NTN4: variants seen among roughly 807,000 people sequenced by gnomAD.
The protein encoded by NTN4 is netrin-4.
NTN4 carries 32 observed loss-of-function variants against 73.6 expected under a neutral mutation model. The observed-to-expected ratio is 0.44, with a 90% CI of 0.33 to 0.58. The LOEUF (loss-of-function observed/expected upper bound fraction) is 0.58, where lower values mean the gene tolerates loss of function less well. Ranked by LOEUF, NTN4 falls within the 20% of genes least tolerant of loss-of-function variation. The pLI, the probability that NTN4 is intolerant of heterozygous loss-of-function variation, is 0.04. For missense variants in NTN4, 654 were observed against 798.3 expected, an observed-to-expected ratio of 0.82 and a Z score of 2.18; for synonymous variants, 258 against 287.5, an observed-to-expected ratio of 0.90 and a Z score of 1.04.
chr12:95,708,095 G>C (rs1431498335), intron 5 of NTN4, among the ~76,000 whole-genome samples: 3 of 151,992 alleles, frequency 2.0e-5, no homozygotes, highest in Non-Finnish European at 4.4e-5. Context: ...CTATATTTTA[G>C]ACCCTAAGGA....
chr12:95,715,387 G>A (rs1055777424), intron 3 of NTN4, among the ~76,000 whole-genome samples: 4 of 152,030 alleles, frequency 2.6e-5, no homozygotes, highest in Non-Finnish European at 2.9e-5. Flanking sequence ...AAAAGATGAT[G>A]TTGCAAAAAT....
intron 2 of NTN4, among the ~76,000 whole-genome samples, chr12:95,740,524 A>G (rs748300365): frequency 1.3e-5 from 2 of 152,210 alleles, no homozygotes; most frequent in Non-Finnish European, 2.9e-5. Context: ...AGCATACTTC[A>G]GTATTTCTGG....
intron 2 of NTN4, among the ~76,000 whole-genome samples, chr12:95,750,384 G>A (rs1257954129): frequency 6.6e-6 from 1 of 151,706 alleles, no homozygotes; most frequent in African/African-American, 2.4e-5. Flanking sequence ...TACTCCCTTG[G>A]CCTGTGTTCT....
At chr12:95,778,149 C>T (rs571901397) in intron 2 of NTN4, among the ~76,000 whole-genome samples, 3 of 152,076 alleles carry the variant, frequency 2.0e-5, no homozygotes, top group Non-Finnish European at 2.9e-5. Flanking sequence ...ATCTCTGGGA[C>T]GCATTTAAAG....
At chr12:95,707,971 C>T (rs1452170674) in intron 5 of NTN4, among the ~76,000 whole-genome samples, 7 of 152,076 alleles carry the variant, frequency 4.6e-5, no homozygotes, top group Non-Finnish European at 7.3e-5. Flanking sequence ...GGGATACACA[C>T]GTATATATAT....
Position 95,710,629 on chromosome 12 carries a change from G to T in NTN4, c.992C>A (p.Thr331Asn). ...ATCAGCATGCCCATTACACTTGCAG[G>T]CTGGAAATAAGAAGCGTGGAGAGAA... ...GKTGAPNECR[T>N]CKCNGHADTC... Residue 331 changes from threonine to asparagine, a missense_variant and splice_region_variant, in exon 5 of 10, where the codon ACC becomes AAC. Transcript: ENST00000343702. The T allele has an allele frequency of 6.2e-7, 1 of 1,610,212 alleles. No homozygotes were observed. Among genetic ancestry groups the T allele is most frequent in the Non-Finnish European group, 8.5e-7 (1 of 1,177,618 alleles).
At chr12:95,750,783 C>G (rs997244387) in intron 2 of NTN4, among the ~76,000 whole-genome samples, 2 of 152,154 alleles carry the variant, frequency 1.3e-5, no homozygotes, top group Non-Finnish European at 2.9e-5. Flanking sequence ...CTCGCCAGGC[C>G]GAGCTAGGTC....
chr12:95,786,863 A>C (rs2079170802), intron 2 of NTN4, 76 bp downstream of exon 2: 16 of 1,177,884 alleles, frequency 1.4e-5, no homozygotes, highest in Non-Finnish European at 1.8e-5. Flanking sequence ...GTATAGCTTC[A>C]TGCTTTAAAA....
chr12:95,690,434 C>T (rs913154880), intron 5 of NTN4, among the ~76,000 whole-genome samples: 3 of 152,158 alleles, frequency 2.0e-5, no homozygotes, highest in African/African-American at 4.8e-5. Flanking sequence ...GCCTCTAAAA[C>T]ATTGAGGTTC....
chr12:95,670,310 T>A (rs768609253), intron 7 of NTN4, among the ~76,000 whole-genome samples, 164 bp from the exon 8 acceptor site: 4 of 152,178 alleles, frequency 2.6e-5, no homozygotes, highest in Non-Finnish European at 5.9e-5. Context: ...TCAAAAGAAG[T>A]AGAGTCTCTT....
At chr12:95,738,689 C>T (rs189276048) in intron 2 of NTN4, among the ~76,000 whole-genome samples, 244 of 152,094 alleles carry the variant, frequency 1.6e-3, no homozygotes, top group Non-Finnish European at 5.4e-4. Context: ...AAATATAACT[C>T]TCTCTTTTTG....
Position 95,787,340 on chromosome 12 carries a change from A to C in NTN4, c.184T>G (p.Cys62Gly), listed in dbSNP as rs1217824376. ...AGATCCGTGTTCTCACTGTAGAAGC[A>C]GTACAGTTCGGTAGCATTCTGACCG... ...TCGQNATELYCFYSENTDLTC... is the reference protein window; with the variant it reads ...TCGQNATELYGFYSENTDLTC... Residue 62 changes from cysteine to glycine, a missense_variant, in exon 2 of 10, where the codon TGC becomes GGC. By Grantham distance (159) the Cys-to-Gly change is radical (BLOSUM62 -3). Coordinates refer to ENST00000343702, the MANE Select transcript of NTN4 (RefSeq NM_021229.4). 1 of 1,614,126 alleles carries C rather than the reference A, an allele frequency of 6.2e-7. No individual in the cohort carries two copies. The highest frequency in any genetic ancestry group is 1.3e-5 in the African/African-American group (1 of 74,946).
Position 95,697,179 on chromosome 12 carries a change from CA to C in NTN4, c.1180+13261del, listed in dbSNP as rs35893418. ...GGGTGACAGAGCAAAAACCCTGTCT[CA>C]AAAAAAAAAAAAAAGTTATTTATTC... On this transcript the variant is annotated intron_variant, in intron 5 of 9. Transcript: ENST00000343702. Among the ~76,000 whole-genome samples, 525 of 129,404 alleles carry C rather than the reference CA, an allele frequency of 4.1e-3. 3 individuals are homozygous for C. Among genetic ancestry groups the C allele is most frequent in the South Asian group, 0.019 (77 of 4,116 alleles). 84.9% of individuals were successfully genotyped at this position (129,404 alleles called of 152,430 possible). A position where few individuals can be genotyped will look rare whatever the true frequency, so the allele number is the denominator to read the frequency against.
At chr12:95,726,234 C>A (rs2078693117) in intron 3 of NTN4, among the ~76,000 whole-genome samples, 1 of 152,126 alleles carries the variant, frequency 6.6e-6, no homozygotes, top group Non-Finnish European at 1.5e-5. Flanking sequence ...ATTTTCACCA[C>A]TCCAAAAAGA....
intron 5 of NTN4, among the ~76,000 whole-genome samples, chr12:95,689,079 G>A (rs1002275135): frequency 5.3e-5 from 8 of 151,862 alleles, no homozygotes; most frequent in East Asian, 1.9e-4. Flanking sequence ...TTCCCCCCAC[G>A]CCCCTCCCCA....
intron 7 of NTN4, chr12:95,672,157 C>CA (rs890307612): frequency 1.8e-4 from 80 of 448,174 alleles, no homozygotes; most frequent in African/African-American, 1.1e-3. Flanking sequence ...ATTGTCTCTA[C>CA]AAAAAAGATT....
intron 2 of NTN4, among the ~76,000 whole-genome samples, chr12:95,780,809 C>T (rs1191783860): frequency 6.6e-6 from 1 of 152,086 alleles, no homozygotes; most frequent in African/African-American, 2.4e-5. Context: ...GGGTATATAC[C>T]CAAAGGATTG....
In NTN4 at chr12:95,789,187, C is replaced by T. The variant is rs993186673; in HGVS notation, c.55+1068G>A. On this transcript the variant is annotated intron_variant, in intron 1 of 9. Coordinates refer to ENST00000343702, the MANE Select transcript of NTN4 (RefSeq NM_021229.4). The surrounding 1 kb of genome is among the most constrained non-coding windows in gnomAD (Gnocchi z 4.0). ...ACTATTCAATGATACTAAGGATGCTCCTGTGACTTGGACTGGTTTGGGATG... is the reference window on the plus strand; with the variant it reads ...ACTATTCAATGATACTAAGGATGCTTCTGTGACTTGGACTGGTTTGGGATG... Among the ~76,000 whole-genome samples, 1 of 152,172 alleles carries T rather than the reference C, an allele frequency of 6.6e-6. No individual in the cohort carries two copies. The highest frequency in any genetic ancestry group is 6.5e-5 in the Admixed American group (1 of 15,268).
intron 5 of NTN4, among the ~76,000 whole-genome samples, chr12:95,687,397 TTTTTTTG>T (rs1401922225): frequency 7.7e-5 from 11 of 143,470 alleles, no homozygotes. Context: ...TTTTTTTTTG[TTTTTTTG>T]TTTTTTTGTT....
Sources: allele counts gnomAD v4.1 joint callset (sites outside exome capture counted in the v4.1 genomes callset), GRCh38; gene constraint gnomAD v4.1.1; non-coding constraint Gnocchi (gnomAD v3.1); transcripts MANE v1.5; gene names NCBI Gene and HGNC (gene_info 2026-07-23, HGNC 2026-07-21).